The following MTAP variants were observed in gnomAD, a reference collection of about 807,000 sequenced individuals.
MTAP encodes the protein S-methyl-5'-thioadenosine phosphorylase.
Under a neutral mutation model 33.6 loss-of-function variants are expected in MTAP, and 33 were observed. The observed-to-expected ratio is 0.98, with a 90% CI of 0.74 to 1.31. The LOEUF is 1.31. MTAP is among the 40% of genes most tolerant of loss of function. The pLI is 0.00. For synonymous variants in MTAP, 148 were observed against 125.7 expected, an observed-to-expected ratio of 1.18 and a Z score of -1.19; for missense variants, 367 against 360.0, an observed-to-expected ratio of 1.02 and a Z score of -0.16.
intron 4 of MTAP, among the ~76,000 whole-genome samples, chr9:21,822,103 G>T (rs1173230235): frequency 3.3e-5 from 5 of 151,950 alleles, no homozygotes; most frequent in Non-Finnish European, 7.4e-5. Flanking sequence ...TTGATTTTTT[G>T]ATGGGTTTTT....
chr9:21,803,644 C>A (rs143795821), intron 1 of MTAP, among the ~76,000 whole-genome samples: 33 of 152,148 alleles, frequency 2.2e-4, no homozygotes, highest in Non-Finnish European at 3.8e-4. Context: ...GTTAGTATTC[C>A]GAGAGAGAAT....
intron 7 of MTAP, chr9:21,861,332 TAC>T (rs1825748141): frequency 6.6e-6 from 1 of 152,150 alleles, no homozygotes; most frequent in African/African-American, 2.4e-5. Context: ...TGTATATATA[TAC>T]ACACATACAT....
At chr9:21,858,650 A>C (rs117105750) in intron 6 of MTAP, among the ~76,000 whole-genome samples, 1 of 152,036 alleles carries the variant, frequency 6.6e-6, no homozygotes, top group Non-Finnish European at 1.5e-5. Context: ...CCATGATCCA[A>C]CCGCCTCCCA....
intron 1 of MTAP, among the ~76,000 whole-genome samples, chr9:21,897,620 TC>T (rs1294463681): frequency 2.6e-5 from 4 of 152,142 alleles, no homozygotes; most frequent in African/African-American, 9.7e-5. Flanking sequence ...ATGAGTGAAC[TC>T]CCATTCACAA....
chr9:21,920,020 G>A (rs548352675), intron 1 of MTAP, among the ~76,000 whole-genome samples: 1 of 151,904 alleles, frequency 6.6e-6, no homozygotes, highest in Non-Finnish European at 1.5e-5. Context: ...TAACAGAAAT[G>A]TATATGATAT....
intron 4 of MTAP, 117 bp downstream of exon 4, chr9:21,818,319 T>TTC: frequency 4.1e-5 from 4 of 96,688 alleles, no homozygotes; most frequent in Middle Eastern, 3.6e-3. Flanking sequence ...CTCGCTTGCT[T>TTC]TTTTTTTTTT....
rs1264299500 is a variant in MTAP at position 21,864,602 on chromosome 9, C to T, written c.*2588C>T. Reference sequence around the variant, plus strand: ...CCCTGTGGTCCCCGAGGGTCATGGTCCTTGTGACCTGGCCCCTGTTCACTG... The same window carrying T: ...CCCTGTGGTCCCCGAGGGTCATGGTTCTTGTGACCTGGCCCCTGTTCACTG... On this transcript the variant is annotated 3_prime_UTR_variant, in exon 8 of 8. Transcript: ENST00000644715. 1.0e-6 allele frequency: 1 copy of T among 985,360 alleles called. No individual in the cohort carries two copies. The highest frequency in any genetic ancestry group is 1.2e-6 in the Non-Finnish European group (1 of 829,998). The allele number at this position is 985,360 out of a possible 1,614,324, so 61.0% of individuals were successfully genotyped here.
chr9:21,841,175 C>G (rs1325292929), intron 5 of MTAP, among the ~76,000 whole-genome samples: 1 of 152,188 alleles, frequency 6.6e-6, no homozygotes, highest in African/African-American at 2.4e-5. Context: ...ACCCTGGTAG[C>G]CAAACACAAA....
intron 1 of MTAP, among the ~76,000 whole-genome samples, chr9:21,891,024 G>C (rs1265048072): frequency 6.6e-6 from 1 of 152,100 alleles, no homozygotes; most frequent in Admixed American, 6.5e-5. Context: ...CTTTGATGTT[G>C]CTGGTCTAGG....
At chr9:21,829,630 A>G (rs1824918196) in intron 4 of MTAP, among the ~76,000 whole-genome samples, 2 of 123,328 alleles carry the variant, frequency 1.6e-5, no homozygotes, top group Admixed American at 7.3e-5. Context: ...GTTGTCTCAG[A>G]AAAAAAAAAA....
rs1818440028 is a variant in MTAP, at chr9:21,904,300, A to G, written c.148-26708A>G. Among the ~76,000 whole-genome samples the G allele has an allele frequency of 2.6e-5, 4 of 152,214 alleles. No homozygotes were observed. The South Asian group carries it at 8.3e-4, about 32-fold the overall frequency. On this transcript the variant is annotated intron_variant, in intron 1 of 1. Coordinates refer to the MTAP transcript ENST00000577563. ...CACAGGATTAGAGGTATGGCAGGCC[A>G]GGGTGGTCTTGGGAAATGCAACATT...
intron 1 of MTAP, among the ~76,000 whole-genome samples, chr9:21,881,259 A>G (rs1818006468): frequency 6.6e-6 from 1 of 152,080 alleles, no homozygotes; most frequent in South Asian, 2.1e-4. Context: ...TTAACTCAAA[A>G]TGGATTAATA....
At chr9:21,869,495 CCTGAT>C (rs1166309671), downstream of MTAP, among the ~76,000 whole-genome samples, 6 of 152,084 alleles carry the variant, frequency 3.9e-5, no homozygotes, top group Non-Finnish European at 8.8e-5. Context: ...TTGCCTTCTC[CCTGAT>C]CTTTTAATGT....
chr9:21,894,525 C>T (rs921494101), intron 1 of MTAP, among the ~76,000 whole-genome samples: 2 of 147,040 alleles, frequency 1.4e-5, no homozygotes, highest in Admixed American at 7.0e-5. Context: ...CATGTTCTCA[C>T]TCATAGGTGG....
Position 21,856,062 on chromosome 9 carries a change from ATCTAATTTTCACCTCTTTC to A in MTAP, c.690+1196_690+1214del, listed in dbSNP as rs995347859. ...TAATGATTACCTCTTGTCTCTTTTA[ATCTAATTTTCACCTCTTTC>A]TCTTTTTATTCCTTGTGTTACTTGA... On this transcript the variant is annotated intron_variant, in intron 6 of 7. Transcript: ENST00000644715. 40 of 625,302 alleles carry A rather than the reference ATCTAATTTTCACCTCTTTC, an allele frequency of 6.4e-5. No homozygotes were observed. In the African/African-American group the frequency reaches 6.8e-4, roughly 11 times the overall value. The allele number at this position is 625,302 out of a possible 1,614,324, so 38.7% of individuals were successfully genotyped here. A position where few individuals can be genotyped will look rare whatever the true frequency, so the allele number is the denominator to read the frequency against.
intron 1 of MTAP, chr9:21,802,985 A>AACACCCACACACACACACACACACACAC (rs1824095542): frequency 2.6e-6 from 1 of 378,324 alleles, no homozygotes. Flanking sequence ...CCGCACCGCC[A>AACACCCACACACACACACACACACACAC]ACACACACAC....
chr9:21,847,861 T>C (rs1825419828), intron 5 of MTAP, among the ~76,000 whole-genome samples: 1 of 152,164 alleles, frequency 6.6e-6, no homozygotes, highest in African/African-American at 2.4e-5. Flanking sequence ...TGACCTGCAA[T>C]GAAAGGTACA....
At position 21,835,586 on chromosome 9, in the gene MTAP, C is replaced by T. The variant is rs867180780; in HGVS notation, c.348-2322C>T. On this transcript the variant is annotated intron_variant, in intron 4 of 7. Coordinates refer to ENST00000644715, the MANE Select transcript of MTAP (RefSeq NM_002451.4). ...CAGTCCCCACTTTGTGGGGTGTGAT[C>T]GGCAGGCTTATTCCAGGCTTCTTGC... Among the ~76,000 whole-genome samples the T allele has an allele frequency of 3.9e-5, 6 of 152,180 alleles. No homozygotes were observed. In the East Asian group the frequency reaches 5.8e-4, roughly 15 times the overall value.
At chr9:21,909,523 T>A (rs937703893) in intron 1 of MTAP, among the ~76,000 whole-genome samples, 4 of 152,096 alleles carry the variant, frequency 2.6e-5, no homozygotes, top group Non-Finnish European at 4.4e-5. Context: ...ACTACAAACA[T>A]GCTTGATATG....
Sources: gnomAD v4.1 joint callset for allele counts (sites outside exome capture counted in the v4.1 genomes callset) on GRCh38, gnomAD v4.1.1 for gene constraint, MANE v1.5 for transcripts, NCBI Gene and HGNC (gene_info 2026-07-23, HGNC 2026-07-21) for gene names.